Variants in CCDC17 observed in about 807,000 individuals in gnomAD.
CCDC17 encodes coiled-coil domain-containing protein 17.
Under a neutral mutation model 68.0 loss-of-function variants are expected in CCDC17, and 79 were observed. That is an observed-to-expected ratio of 1.16 (90% CI 0.97 to 1.40). The LOEUF (loss-of-function observed/expected upper bound fraction) is 1.40. CCDC17 is among the 40% of genes most tolerant of loss of function. The pLI is 0.00. For missense variants in CCDC17, 846 were observed against 811.5 expected, an observed-to-expected ratio of 1.04 and a Z score of -0.52; for synonymous variants, 376 against 337.5, an observed-to-expected ratio of 1.11 and a Z score of -1.25.
In CCDC17 at chr1:45,622,484, C is replaced by T. The variant is rs555942311; in HGVS notation, c.859+65G>A. 2.3e-4 allele frequency: 344 copies of T among 1,499,772 alleles called. 4 individuals are homozygous for T. In the East Asian group the frequency reaches 6.8e-3, roughly 30 times the overall value. 92.9% of individuals were successfully genotyped at this position (1,499,772 alleles called of 1,614,324 possible). ...CTCACATGCCATCCACAGCCACAGG[C>T]CCTCCCTCGAGTTCTTTTCTCCTCC... On this transcript the variant is annotated intron_variant, in intron 6 of 12. Coordinates refer to ENST00000528266, the MANE Select transcript of CCDC17 (RefSeq NM_001114938.3).
In CCDC17 at chr1:45,620,408, G is replaced by A. The variant is rs758335632; in HGVS notation, c.1736C>T (p.Ala579Val). The A allele has an allele frequency of 3.8e-6, 6 of 1,586,204 alleles. No individual in the cohort carries two copies. The highest frequency in any genetic ancestry group is 1.4e-5 in the African/African-American group (1 of 73,570). ...PPVSSTSSLE[A>V]SFLTPAVGFA... ...GCCAACTGCGGGGGTGAGGAAGCTG[G>A]CTTCCAGTGAAGATGTGCTGGACAC... The change falls in exon 13 of 13, where the codon GCC becomes GTC. Residue 579 changes from alanine to valine, a missense_variant. By Grantham distance (64) the Ala-to-Val change is moderately conservative (BLOSUM62 0). Transcript: ENST00000528266.
Position 45,623,944 on chromosome 1 carries a change from C to G in CCDC17, c.-35G>C. ...CCCGTTTCCTGAAACCAGCCAAGAC[C>G]TGCAGAAGGGATCAAGGGCAGGGGA... is the stretch of plus-strand genomic sequence containing the variant. On this transcript the variant is annotated 5_prime_UTR_variant, in exon 1 of 13. Coordinates refer to ENST00000528266, the MANE Select transcript of CCDC17 (RefSeq NM_001114938.3). 2 of 1,414,492 alleles carry G rather than the reference C, an allele frequency of 1.4e-6. No homozygotes were observed. The highest frequency in any genetic ancestry group is 1.9e-6 in the Non-Finnish European group (2 of 1,058,916). 87.6% of individuals were successfully genotyped at this position (1,414,492 alleles called of 1,614,324 possible).
At chr1:45,622,483 G>A in intron 6 of CCDC17, 66 bp downstream of exon 6, 1 of 1,496,316 alleles carries the variant, frequency 6.7e-7, no homozygotes, top group Non-Finnish European at 9.1e-7. Context: ...ACAGCCACAG[G>A]CCCTCCCTCG....
rs1557683367 is a variant in CCDC17, at chr1:45,623,987, AAG to A, written c.-80_-79del. 2.0e-6 allele frequency: 2 copies of A among 1,009,654 alleles called. No homozygotes were observed. The highest frequency in any genetic ancestry group is 2.9e-6 in the Non-Finnish European group (2 of 697,882). The allele number at this position is 1,009,654 out of a possible 1,614,324, so 62.5% of individuals were successfully genotyped here. ...GCAGGGGAAAGGCAGAGGAGGATGA[AAG>A]AGACATAAAGCCAGAGGCAGAGAGG... On this transcript the variant is annotated 5_prime_UTR_variant, in exon 1 of 13. Coordinates refer to ENST00000528266, the MANE Select transcript of CCDC17 (RefSeq NM_001114938.3).
In CCDC17 at chr1:45,623,498, T is replaced by C. The variant is rs959099252; in HGVS notation, c.270+59A>G. 9 of 1,549,130 alleles carry C rather than the reference T, an allele frequency of 5.8e-6. No homozygotes were observed. The Admixed American group carries it at 1.4e-4, about 24-fold the overall frequency. ...GGCAGAATCTGTCCCAAGTATGATC[T>C]ACAGGTTTGGGGAAGACGCTCAACG... On this transcript the variant is annotated intron_variant, in intron 2 of 12. Coordinates refer to ENST00000528266, the MANE Select transcript of CCDC17 (RefSeq NM_001114938.3).
Position 45,620,910 on chromosome 1 carries a change from A to G in CCDC17, c.1592T>C (p.Ile531Thr), listed in dbSNP as rs753570298. The G allele has an allele frequency of 6.2e-7, 1 of 1,613,642 alleles. No individual in the cohort carries two copies. Among genetic ancestry groups the G allele is most frequent in the South Asian group, 1.1e-5 (1 of 90,962 alleles). ...CCTGCGCACCACACTCACCTGAGGA[A>G]TCCCATTCAGCTGCCCAAGGCTAAG... ...PSLSLGQLNGIPQAGQAELFL... is the reference protein window; with the variant it reads ...PSLSLGQLNGTPQAGQAELFL... The change falls in exon 11 of 13, where the codon ATT becomes ACT. Residue 531 changes from isoleucine (I) to threonine (T), a missense_variant. Ile to Thr is a moderately conservative substitution (Grantham distance 89). Coordinates refer to ENST00000528266, the MANE Select transcript of CCDC17 (RefSeq NM_001114938.3).
chr1:45,622,207 A>ATAG lies in CCDC17; in HGVS notation c.967+33_967+34insCTA, dbSNP rs544107625. ...GAGCCAGGCCTGCTGGGGAGAGATA[A>ATAG]GTGGGATGGGATAGGGTTGGGGTGC... On this transcript the variant is annotated intron_variant, in intron 7 of 12. Coordinates refer to ENST00000528266, the MANE Select transcript of CCDC17 (RefSeq NM_001114938.3). 649 of 1,574,988 alleles carry ATAG rather than the reference A, an allele frequency of 4.1e-4. 5 individuals carry two copies. In the African/African-American group the frequency reaches 7.9e-3, roughly 19 times the overall value.
At position 45,621,987 on chromosome 1, in the gene CCDC17, C is replaced by T. The variant is rs1644279948; in HGVS notation, c.976G>A (p.Asp326Asn). The change falls in exon 8 of 13, where the codon GAT becomes AAT. Residue 326 changes from aspartate to asparagine, a missense_variant. Transcript: ENST00000528266. ...QRGRAPLGPQ[D>N]LRLLGDASLQ... Reference sequence around the variant, plus strand: ...CTGGCATCCCCCAGGAGTCGCAGATCCTGGGGCCCTAGGAGCAGAAGAGTT... The same window carrying T: ...CTGGCATCCCCCAGGAGTCGCAGATTCTGGGGCCCTAGGAGCAGAAGAGTT... The T allele has an allele frequency of 6.2e-6, 10 of 1,606,198 alleles. No individual in the cohort carries two copies. Among genetic ancestry groups the T allele is most frequent in the Non-Finnish European group, 7.6e-6 (9 of 1,176,922 alleles).
Position 45,622,851 on chromosome 1 carries a change from CGCGCA to C in CCDC17, c.657-22_657-18del, listed in dbSNP as rs1644319077. 1 of 1,586,886 alleles carries C rather than the reference CGCGCA, an allele frequency of 6.3e-7. No homozygotes were observed. The highest frequency in any genetic ancestry group is 8.6e-7 in the Non-Finnish European group (1 of 1,166,546). On this transcript the variant is annotated intron_variant, in intron 4 of 12. Transcript: ENST00000528266. ...AGCGGGTTCCTGGGGTGGCAGGCGACGCGCAGGGAGACGGTAACGCATCAGAGGCC... is the reference window on the plus strand; with the variant it reads ...AGCGGGTTCCTGGGGTGGCAGGCGACGGGAGACGGTAACGCATCAGAGGCC...
Sources: allele counts gnomAD v4.1 joint callset, GRCh38; gene constraint gnomAD v4.1.1; transcripts MANE v1.5; gene names NCBI Gene and HGNC (gene_info 2026-07-23, HGNC 2026-07-21).